PRKCB: variants seen among roughly 807,000 people sequenced by gnomAD.
The protein encoded by PRKCB is protein kinase C beta type.
A neutral mutation model predicts 81.5 loss-of-function variants in PRKCB; 13 were observed. That is an observed-to-expected ratio of 0.16 (90% CI 0.10 to 0.25). The LOEUF (loss-of-function observed/expected upper bound fraction) is 0.25. PRKCB is among the 10% of genes least tolerant of loss of function. The pLI, the probability that PRKCB is intolerant of heterozygous loss-of-function variation, is 1.00. For synonymous variants in PRKCB, 335 were observed against 321.4 expected, an observed-to-expected ratio of 1.04 and a Z score of -0.45; for missense variants, 509 against 875.7, an observed-to-expected ratio of 0.58 and a Z score of 5.29.
chr16:23,860,831 C>T (rs759735863), intron 2 of PRKCB, among the ~76,000 whole-genome samples: 6 of 152,050 alleles, frequency 3.9e-5, no homozygotes, highest in South Asian at 2.1e-4. Context: ...TGCTTGGACC[C>T]GGAGTCAGAG....
intron 2 of PRKCB, among the ~76,000 whole-genome samples, chr16:23,914,336 G>C (rs1175081782): frequency 6.6e-6 from 1 of 152,182 alleles, no homozygotes; most frequent in Non-Finnish European, 1.5e-5. Context: ...AGTGGGGCCA[G>C]TACAGCCCAT....
chr16:23,842,551 C>T (rs1962285258), intron 2 of PRKCB, among the ~76,000 whole-genome samples: 1 of 152,112 alleles, frequency 6.6e-6, no homozygotes, highest in Non-Finnish European at 1.5e-5. Flanking sequence ...GCCCAGAAAC[C>T]CATGCCTGGT....
At chr16:23,918,501 A>G (rs1963778245) in intron 2 of PRKCB, among the ~76,000 whole-genome samples, 1 of 151,918 alleles carries the variant, frequency 6.6e-6, no homozygotes, top group African/African-American at 2.4e-5. Context: ...GGCTCAAGAG[A>G]TTCTCGTGCC....
At position 23,941,048 on chromosome 16, in the gene PRKCB, A is replaced by G. The variant is rs554341397; in HGVS notation, c.206-47460A>G. 2.0e-4 allele frequency among the ~76,000 whole-genome samples: 31 copies of G among 152,354 alleles called. No homozygotes were observed. The East Asian group carries it at 2.5e-3, about 12-fold the overall frequency. ...GACAGAAATGCTCAAATTGTCTACC[A>G]TAAAAGATAGACTGCCTAGATTAGG... On this transcript the variant is annotated intron_variant, in intron 2 of 16. Coordinates refer to ENST00000643927, the MANE Select transcript of PRKCB (RefSeq NM_002738.7).
chr16:24,073,417 A>G (rs894768013), intron 5 of PRKCB, among the ~76,000 whole-genome samples: 6 of 152,204 alleles, frequency 3.9e-5, no homozygotes, highest in East Asian at 1.9e-4. Flanking sequence ...TTGCAGCCTC[A>G]GACTCCTGGG....
intron 4 of PRKCB, among the ~76,000 whole-genome samples, 196 bp downstream of exon 4, chr16:24,032,443 A>G (rs988127995): frequency 5.9e-5 from 9 of 152,120 alleles, no homozygotes; most frequent in African/African-American, 2.2e-4. Flanking sequence ...ACATTTTTTT[A>G]GCTCATGACT....
At chr16:23,949,435 G>A (rs1210842858) in intron 2 of PRKCB, among the ~76,000 whole-genome samples, 1 of 152,188 alleles carries the variant, frequency 6.6e-6, no homozygotes, top group Non-Finnish European at 1.5e-5. Context: ...GGAGAAGCAG[G>A]TTGGCTAACT....
intron 2 of PRKCB, among the ~76,000 whole-genome samples, chr16:23,954,163 G>A (rs1964320708): frequency 6.6e-6 from 1 of 151,974 alleles, no homozygotes; most frequent in Non-Finnish European, 1.5e-5. Context: ...TGACCAGGCT[G>A]GTCTTGAACT....
chr16:23,952,794 CT>C (rs1964300530), intron 2 of PRKCB, among the ~76,000 whole-genome samples: 1 of 152,114 alleles, frequency 6.6e-6, no homozygotes, highest in Non-Finnish European at 1.5e-5. Context: ...TTTACTGTAC[CT>C]TTTGTGGAAC....
intron 2 of PRKCB, among the ~76,000 whole-genome samples, chr16:23,968,967 C>T (rs144767775): frequency 0.022 from 3,359 of 152,164 alleles, 129 homozygotes; most frequent in African/African-American, 0.075. Context: ...GCCAGGAGTT[C>T]GAGACCAGCC....
At chr16:24,058,695 GT>G (rs1965936598) in intron 5 of PRKCB, among the ~76,000 whole-genome samples, 1 of 152,318 alleles carries the variant, frequency 6.6e-6, no homozygotes, top group Non-Finnish European at 1.5e-5. Flanking sequence ...AGGGTTTCTG[GT>G]GTGTTCAGAC....
chr16:24,144,838 G>A lies in PRKCB; in HGVS notation c.1066-9846G>A, dbSNP rs372237318. Among the ~76,000 whole-genome samples the A allele has an allele frequency of 8.5e-5, 13 of 152,298 alleles. No individual in the cohort carries two copies. The East Asian group carries it at 1.9e-3, about 23-fold the overall frequency. ...AAATCCTTTCATTCATTGATTCAAC[G>A]GATATGTATTGAGTGTCAACTGTGT... On this transcript the variant is annotated intron_variant, in intron 9 of 16. Coordinates refer to ENST00000643927, the MANE Select transcript of PRKCB (RefSeq NM_002738.7).
chr16:24,142,277 C>T (rs1399973080), intron 9 of PRKCB, among the ~76,000 whole-genome samples: 3 of 152,174 alleles, frequency 2.0e-5, no homozygotes, highest in South Asian at 2.1e-4. Context: ...CAGACTCTGT[C>T]GATGCCATAA....
In PRKCB at chr16:24,211,121, T is replaced by G. The variant is rs541031037; in HGVS notation, c.1864-3537T>G. 2.6e-5 allele frequency among the ~76,000 whole-genome samples: 4 copies of G among 152,332 alleles called. No individual in the cohort carries two copies. In the East Asian group the frequency reaches 7.7e-4, roughly 29 times the overall value. ...GAAAAGACCCCAGGTCTTCATACTA[T>G]GTCAGAGAGTTCTCATTTTCTGAGA... On this transcript the variant is annotated intron_variant, in intron 16 of 16. Coordinates refer to ENST00000643927, the MANE Select transcript of PRKCB (RefSeq NM_002738.7).
chr16:24,186,217 G>T (rs563101419), intron 15 of PRKCB, among the ~76,000 whole-genome samples: 24 of 152,234 alleles, frequency 1.6e-4, no homozygotes, highest in African/African-American at 4.6e-4. Flanking sequence ...TTGGACCAGG[G>T]CATACTCACA....
At chr16:23,890,728 C>T (rs542963670) in intron 2 of PRKCB, among the ~76,000 whole-genome samples, 2 of 152,304 alleles carry the variant, frequency 1.3e-5, no homozygotes, top group African/African-American at 4.8e-5. Context: ...CCTCCCCATC[C>T]TGCCTGAAGA....
chr16:24,085,083 C>T (rs939786831), intron 5 of PRKCB, among the ~76,000 whole-genome samples: 2 of 150,850 alleles, frequency 1.3e-5, no homozygotes, highest in African/African-American at 4.9e-5. Flanking sequence ...GGAAGTAAAA[C>T]CGTAGCAATG....
At chr16:23,959,951 C>G (rs1964402513) in intron 2 of PRKCB, among the ~76,000 whole-genome samples, 1 of 152,166 alleles carries the variant, frequency 6.6e-6, no homozygotes, top group African/African-American at 2.4e-5. Flanking sequence ...TCCCCTCACC[C>G]TTCCATTTCA....
chr16:24,021,072 CTTCT>C (rs1555491074), intron 3 of PRKCB, among the ~76,000 whole-genome samples: 3,704 of 94,462 alleles, frequency 0.039, 183 homozygotes, highest in Non-Finnish European at 0.059. Context: ...CCCTCCCTCC[CTTCT>C]TTCTTTCTTT....
Sources: gnomAD v4.1 joint callset for allele counts (sites outside exome capture counted in the v4.1 genomes callset) on GRCh38, gnomAD v4.1.1 for gene constraint, MANE v1.5 for transcripts, NCBI Gene and HGNC (gene_info 2026-07-23, HGNC 2026-07-21) for gene names.